Variants in OSBPL10 observed in about 807,000 individuals in gnomAD.
OSBPL10 encodes the protein oxysterol binding protein like 10.
Under a neutral mutation model 81.7 loss-of-function variants are expected in OSBPL10, and 49 were observed. The observed-to-expected ratio is 0.60, with a 90% confidence interval of 0.48 to 0.76. The LOEUF is 0.76. Among genes scored for constraint, OSBPL10 ranks in the 30% least tolerant of loss-of-function variants. OSBPL10 has a pLI of 0.00. For synonymous variants in OSBPL10, 419 were observed against 383.6 expected (o/e 1.09, Z -1.08); for missense variants, 923 against 987.8 (o/e 0.93, Z 0.88).
intron 2 of OSBPL10, among the ~76,000 whole-genome samples, chr3:32,020,511 T>A (rs1299441761): frequency 6.6e-6 from 1 of 152,222 alleles, no homozygotes; most frequent in East Asian, 1.9e-4. Context: ...TTCCATTGTA[T>A]GGGCATACTA....
intron 2 of OSBPL10, among the ~76,000 whole-genome samples, chr3:32,003,238 T>G (rs1454695250): frequency 6.6e-6 from 1 of 152,230 alleles, no homozygotes; most frequent in Non-Finnish European, 1.5e-5. Context: ...TGGCTAAGGT[T>G]AGAAAGCACA....
rs1489756185 is a variant in OSBPL10, at chr3:31,830,118, TGTGACAACACCGGGG to T, written c.636_650del (p.Pro213_Thr217del). 2 of 1,614,020 alleles carry T rather than the reference TGTGACAACACCGGGG, an allele frequency of 1.2e-6. No homozygotes were observed. Among genetic ancestry groups the T allele is most frequent in the Non-Finnish European group, 1.7e-6 (2 of 1,180,022 alleles). The stretch of plus-strand genomic sequence containing the variant: ...CTGCAGGCGACTTGTGATGCGTGAT[TGTGACAACACCGGGG>T]GCCCCCACACTGAGGTGTCTCTGGC... On this transcript the variant is annotated inframe_deletion, in exon 4 of 12. Coordinates refer to ENST00000396556, the MANE Select transcript of OSBPL10 (RefSeq NM_017784.5).
intron 4 of OSBPL10, among the ~76,000 whole-genome samples, chr3:31,810,498 T>C (rs1466619306): frequency 6.6e-6 from 1 of 151,744 alleles, no homozygotes; most frequent in Non-Finnish European, 1.5e-5. Flanking sequence ...ACAAAAAAAT[T>C]TTAACACAGC....
At chr3:31,765,447 G>A (rs1033978910) in intron 4 of OSBPL10, among the ~76,000 whole-genome samples, 1 of 152,054 alleles carries the variant, frequency 6.6e-6, no homozygotes, top group African/African-American at 2.4e-5. Flanking sequence ...AGGACAAGAT[G>A]TGGCAAACTG....
At chr3:31,735,188 A>C (rs9816595) in intron 5 of OSBPL10, among the ~76,000 whole-genome samples, 63,498 of 152,128 alleles carry the variant, frequency 0.42, 13,627 homozygotes, top group East Asian at 0.65. Flanking sequence ...TAATTCCAGC[A>C]CTTTGGGATC....
intron 1 of OSBPL10, among the ~76,000 whole-genome samples, chr3:32,072,636 T>A (rs1482264100): frequency 6.6e-6 from 1 of 152,190 alleles, no homozygotes; most frequent in Non-Finnish European, 1.5e-5. Context: ...TTCTCAGTGT[T>A]CCATCTGCTA....
intron 7 of OSBPL10, among the ~76,000 whole-genome samples, chr3:31,692,851 G>A (rs1238729094): frequency 6.6e-6 from 1 of 152,236 alleles, no homozygotes; most frequent in Non-Finnish European, 1.5e-5. Flanking sequence ...GGCCCATGCT[G>A]GGTTGCTCAG....
At chr3:32,025,597 T>G (rs1187954136) in intron 2 of OSBPL10, among the ~76,000 whole-genome samples, 1 of 152,196 alleles carries the variant, frequency 6.6e-6, no homozygotes, top group Non-Finnish European at 1.5e-5. Flanking sequence ...ATTTAAATAT[T>G]TGATAGCATT....
intron 3 of OSBPL10, among the ~76,000 whole-genome samples, chr3:31,870,884 G>A (rs548496121): frequency 1.9e-3 from 290 of 151,872 alleles, no homozygotes; most frequent in Non-Finnish European, 3.7e-3. Flanking sequence ...TACACCAATC[G>A]ACACTCTGTA....
At chr3:31,966,026 C>T (rs1023248162) in intron 1 of OSBPL10, among the ~76,000 whole-genome samples, 2 of 137,030 alleles carry the variant, frequency 1.5e-5, no homozygotes, top group Non-Finnish European at 3.1e-5. Flanking sequence ...CAGGCTCAGT[C>T]GCTCATGCCT....
chr3:31,877,453 A>G (rs1363911181), intron 2 of OSBPL10, among the ~76,000 whole-genome samples: 9 of 152,192 alleles, frequency 5.9e-5, no homozygotes, highest in Non-Finnish European at 1.3e-4. Context: ...CTCAAATAAT[A>G]TATATGAAGT....
At chr3:31,803,184 T>C (rs1020891842) in intron 4 of OSBPL10, among the ~76,000 whole-genome samples, 3 of 151,952 alleles carry the variant, frequency 2.0e-5, no homozygotes, top group East Asian at 1.9e-4. Context: ...CTTCTGATGG[T>C]TCCACTTCCA....
Position 31,980,955 on chromosome 3 carries a change from C to A in OSBPL10, c.225G>T (p.Pro75=). 6.3e-7 allele frequency: 1 copy of A among 1,575,010 alleles called. No homozygotes were observed. The highest frequency in any genetic ancestry group is 1.8e-5 in the Admixed American group (1 of 54,982). Residue 75 remains proline, a synonymous_variant, in exon 1 of 12, where the codon CCG becomes CCT. Coordinates refer to ENST00000396556, the MANE Select transcript of OSBPL10 (RefSeq NM_017784.5). The part of the protein sequence containing the change: ...PSGGGGRRRE[P]ALEGVLSKYT... ...ATTTGCTGAGCACGCCCTCGAGCGC[C>A]GGCTCCCTCCTGCGGCCGCCTCCCC... is the stretch of plus-strand genomic sequence containing the variant.
At chr3:32,067,440 T>C (rs894285990) in intron 1 of OSBPL10, among the ~76,000 whole-genome samples, 1 of 152,130 alleles carries the variant, frequency 6.6e-6, no homozygotes, top group Non-Finnish European at 1.5e-5. Context: ...CATTGACAAA[T>C]AGAATCTAAG....
intron 9 of OSBPL10, among the ~76,000 whole-genome samples, chr3:31,669,862 A>C (rs1348418306): frequency 1.3e-5 from 2 of 152,212 alleles, no homozygotes; most frequent in African/African-American, 4.8e-5. Context: ...TTGAGCCTAA[A>C]AACAGTCACA....
chr3:31,895,814 G>A (rs1271254681), intron 1 of OSBPL10, among the ~76,000 whole-genome samples: 2 of 152,162 alleles, frequency 1.3e-5, no homozygotes, highest in Admixed American at 1.3e-4. Flanking sequence ...ATGGGCAAGA[G>A]CAACAAACTA....
intron 6 of OSBPL10, chr3:31,708,709 A>G: frequency 1.0e-6 from 1 of 984,056 alleles, no homozygotes; most frequent in Non-Finnish European, 1.2e-6. Flanking sequence ...ATCCTGATGA[A>G]CCTACTGTCC....
intron 4 of OSBPL10, among the ~76,000 whole-genome samples, chr3:31,804,539 G>T (rs1699476126): frequency 6.6e-6 from 1 of 152,166 alleles, no homozygotes; most frequent in Non-Finnish European, 1.5e-5. Context: ...TAGGACAGAA[G>T]GGGAGAGAAA....
chr3:31,808,917 GAATC>G (rs1280402626), intron 4 of OSBPL10, among the ~76,000 whole-genome samples: 6 of 152,116 alleles, frequency 3.9e-5, no homozygotes, highest in Non-Finnish European at 8.8e-5. Flanking sequence ...TTTATCAAAG[GAATC>G]AATTAATACC....
Sources: gnomAD v4.1 joint callset for allele counts (sites outside exome capture counted in the v4.1 genomes callset) on GRCh38, gnomAD v4.1.1 for gene constraint, MANE v1.5 for transcripts, NCBI Gene and HGNC (gene_info 2026-07-23, HGNC 2026-07-21) for gene names.